The following KIF13A variants were observed in gnomAD, a reference collection of about 807,000 sequenced individuals.
KIF13A encodes the protein kinesin family member 13A, also known as kinesin-like protein KIF13A.
Under a neutral mutation model 212.2 loss-of-function variants are expected in KIF13A, and 79 were observed. That is an observed-to-expected ratio of 0.37 (90% CI 0.31 to 0.45). The LOEUF is 0.45. KIF13A is among the 20% of genes least tolerant of loss of function. The pLI is 1.00. For synonymous variants in KIF13A, 789 were observed against 808.6 expected (o/e 0.98, Z 0.41); for missense variants, 1,901 against 2,209.0 (o/e 0.86, Z 2.79).
rs1277086748 is a variant in KIF13A, at chr6:17,967,002, A to T, written c.146+20052T>A. On this transcript the variant is annotated intron_variant, in intron 2 of 38. Coordinates refer to ENST00000259711, the MANE Select transcript of KIF13A (RefSeq NM_022113.6). The surrounding 1 kb of genome is among the most constrained non-coding windows in gnomAD (Gnocchi z 4.1). ...TAATACTGCTTCCTTAATTAGGGAA[A>T]GAAAATACCAAATATTCCAGCAGTA... 5.9e-5 allele frequency among the ~76,000 whole-genome samples: 9 copies of T among 152,220 alleles called. No homozygotes were observed. Among genetic ancestry groups the T allele is most frequent in the Non-Finnish European group, 1.3e-4 (9 of 68,036 alleles).
In KIF13A at chr6:17,898,662, C is replaced by G. The variant is rs1772791275; in HGVS notation, c.147-482G>C. Among the ~76,000 whole-genome samples the G allele has an allele frequency of 6.6e-6, 1 of 151,732 alleles. No homozygotes were observed. The highest frequency in any genetic ancestry group is 2.1e-4 in the South Asian group (1 of 4,816). ...GTGGGAGTTTTTCTCATTTAAAAACCATGGTTTTAAATAACTCATATTTTT... is the reference window on the plus strand; with the variant it reads ...GTGGGAGTTTTTCTCATTTAAAAACGATGGTTTTAAATAACTCATATTTTT... On this transcript the variant is annotated intron_variant, in intron 2 of 38. Coordinates refer to ENST00000259711, the MANE Select transcript of KIF13A (RefSeq NM_022113.6). The surrounding 1 kb of genome is among the most constrained non-coding windows in gnomAD (Gnocchi z 5.2).
Position 17,823,892 on chromosome 6 carries a change from C to T in KIF13A, c.1786+1876G>A, listed in dbSNP as rs148189081. Among the ~76,000 whole-genome samples, 4 of 151,826 alleles carry T rather than the reference C, an allele frequency of 2.6e-5. No homozygotes were observed. In the East Asian group the frequency reaches 7.8e-4, roughly 29 times the overall value. On this transcript the variant is annotated intron_variant, in intron 16 of 38. Transcript: ENST00000259711. Reference sequence around the variant, plus strand: ...TGCTGGGATTACAGATGTGAGCCACCATGCCTGGCGTTTAATTTAAATTTC... The same window carrying T: ...TGCTGGGATTACAGATGTGAGCCACTATGCCTGGCGTTTAATTTAAATTTC...
rs568191897 is a variant in KIF13A at position 17,920,052 on chromosome 6, T to C, written c.147-21872A>G. On this transcript the variant is annotated intron_variant, in intron 2 of 38. Transcript: ENST00000259711. ...TTCAATGATTTAGGATTAAGCTTGCTTGGTTTCTGTTTTAGTGTTTTGACC... is the reference window on the plus strand; with the variant it reads ...TTCAATGATTTAGGATTAAGCTTGCCTGGTTTCTGTTTTAGTGTTTTGACC... Among the ~76,000 whole-genome samples the C allele has an allele frequency of 2.6e-5, 4 of 152,354 alleles. No individual in the cohort carries two copies. In the South Asian group the frequency reaches 8.3e-4, roughly 32 times the overall value.
intron 2 of KIF13A, among the ~76,000 whole-genome samples, chr6:17,932,484 T>C (rs1776069768): frequency 6.6e-6 from 1 of 152,230 alleles, no homozygotes; most frequent in Non-Finnish European, 1.5e-5. Context: ...TTAGATCTTC[T>C]TTCTAAAAAA....
At position 17,779,236 on chromosome 6, in the gene KIF13A, C is replaced by CATATATAT. The variant is rs149719669; in HGVS notation, c.3940-145_3940-138dup. ...TAGATACTGATATTTTTTAAAGTAG[C>CATATATAT]ATATATATATATATATATATATTTT... On this transcript the variant is annotated intron_variant, in intron 32 of 38. Coordinates refer to ENST00000259711, the MANE Select transcript of KIF13A (RefSeq NM_022113.6). The CATATATAT allele has an allele frequency of 6.1e-3, 1,543 of 254,298 alleles. 15 individuals carry two copies. The highest frequency in any genetic ancestry group is 0.012 in the African/African-American group (248 of 21,290). The allele number at this position is 254,298 out of a possible 1,614,324, so 15.8% of individuals were successfully genotyped here.
chr6:17,768,268 T>C lies in KIF13A; in HGVS notation c.4581+2846A>G, dbSNP rs1324101626. Among the ~76,000 whole-genome samples the C allele has an allele frequency of 6.6e-6, 1 of 152,222 alleles. No homozygotes were observed. The highest frequency in any genetic ancestry group is 1.5e-5 in the Non-Finnish European group (1 of 68,044). On this transcript the variant is annotated intron_variant, in intron 38 of 38. Transcript: ENST00000259711. The surrounding 1 kb of genome is among the most constrained non-coding windows in gnomAD (Gnocchi z 5.4). ...AAGATAATTAAAACCCTATCTGAAG[T>C]GGCACATGGAGTCAAGTTCTCAAGC...
chr6:17,855,546 A>C lies in KIF13A; in HGVS notation c.385T>G (p.Leu129Val), dbSNP rs747378600. ...LGLIPRLCCA[L>V]FKRISLEQNE... ...TGCTCCAAAGAGATCCTTTTAAATAAAGCACAGCAGAGCCTTGGAATAAGG... is the reference window on the plus strand; with the variant it reads ...TGCTCCAAAGAGATCCTTTTAAATACAGCACAGCAGAGCCTTGGAATAAGG... The change falls in exon 6 of 39, where the codon TTA becomes GTA. Residue 129 changes from leucine to valine, a missense_variant. Transcript: ENST00000259711. This position sits in a 1 kb window ranked among gnomAD's most constrained non-coding sequence, Gnocchi z 4.1. The C allele has an allele frequency of 1.4e-5, 22 of 1,613,726 alleles. No homozygotes were observed. The highest frequency in any genetic ancestry group is 8.5e-7 in the Non-Finnish European group (1 of 1,179,816).
chr6:17,974,958 G>A (rs539625144), intron 2 of KIF13A, among the ~76,000 whole-genome samples: 41 of 152,318 alleles, frequency 2.7e-4, no homozygotes, highest in Non-Finnish European at 4.7e-4. Context: ...CATCATCTCA[G>A]GAAGTTCTAT....
rs1779407946 is a variant in KIF13A at position 17,967,241 on chromosome 6, T to A, written c.146+19813A>T. Among the ~76,000 whole-genome samples the A allele has an allele frequency of 6.6e-6, 1 of 152,228 alleles. No individual in the cohort carries two copies. The highest frequency in any genetic ancestry group is 1.5e-5 in the Non-Finnish European group (1 of 68,048). ...AGATAGTGCTACCGCCTCAAGGCAA[T>A]ATGCAATTGCTGTGTTTTCATAATC... On this transcript the variant is annotated intron_variant, in intron 2 of 38. Transcript: ENST00000259711. The surrounding 1 kb of genome is among the most constrained non-coding windows in gnomAD (Gnocchi z 4.1).
chr6:17,942,395 A>G (rs1272286611), intron 2 of KIF13A, among the ~76,000 whole-genome samples: 1 of 151,898 alleles, frequency 6.6e-6, no homozygotes, highest in African/African-American at 2.4e-5. Context: ...GCCACACCAG[A>G]ACAATCTGAA....
Position 17,967,581 on chromosome 6 carries a change from G to C in KIF13A, c.146+19473C>G, listed in dbSNP as rs996619379. Among the ~76,000 whole-genome samples, 6 of 152,200 alleles carry C rather than the reference G, an allele frequency of 3.9e-5. No individual in the cohort carries two copies. Among genetic ancestry groups the C allele is most frequent in the Non-Finnish European group, 8.8e-5 (6 of 68,036 alleles). ...GACTGCACGTGTCAGGAGCAGAGAT[G>C]CCTGGTTATCCATTTCCATAGTCAT... On this transcript the variant is annotated intron_variant, in intron 2 of 38. Transcript: ENST00000259711. This position sits in a 1 kb window ranked among gnomAD's most constrained non-coding sequence, Gnocchi z 4.1.
intron 2 of KIF13A, among the ~76,000 whole-genome samples, chr6:17,975,754 TAC>T (rs550571040): frequency 6.6e-6 from 1 of 152,012 alleles, no homozygotes; most frequent in Non-Finnish European, 1.5e-5. Context: ...ATTAGCTAGA[TAC>T]AGAGTCCACA....
rs1044671931 is a variant in KIF13A, at chr6:17,838,818, G to T, written c.831-1235C>A. On this transcript the variant is annotated intron_variant, in intron 9 of 38. Transcript: ENST00000259711. This position sits in a 1 kb window ranked among gnomAD's most constrained non-coding sequence, Gnocchi z 4.2. ...GAGAGGATGACGAGCTTATTTTTTTGTTTGTTTGTTTTTTGAGATGGAATC... is the reference window on the plus strand; with the variant it reads ...GAGAGGATGACGAGCTTATTTTTTTTTTTGTTTGTTTTTTGAGATGGAATC... Among the ~76,000 whole-genome samples the T allele has an allele frequency of 2.6e-5, 4 of 151,830 alleles. No individual in the cohort carries two copies. The highest frequency in any genetic ancestry group is 2.4e-5 in the African/African-American group (1 of 41,376).
In KIF13A at chr6:17,799,419, C is replaced by T. The variant is rs921047213; in HGVS notation, c.2637G>A (p.Thr879=). ...AATTTGAGAGGTTTAAGGGCAGCCC[C>T]GTTGCTTCTTTAATTTTTACCTGAA... ...LTCRVKIKEA[T]GLPLNLSNFV... Residue 879 remains threonine (T), a synonymous_variant, in exon 22 of 39, where the codon ACG becomes ACA. Coordinates refer to ENST00000259711, the MANE Select transcript of KIF13A (RefSeq NM_022113.6). This position sits in a 1 kb window ranked among gnomAD's most constrained non-coding sequence, Gnocchi z 4.4. The T allele has an allele frequency of 1.2e-5, 19 of 1,567,448 alleles. No individual in the cohort carries two copies. The highest frequency in any genetic ancestry group is 5.4e-5 in the African/African-American group (4 of 73,650).
At chr6:17,902,383 T>C (rs1773127680) in intron 2 of KIF13A, among the ~76,000 whole-genome samples, 2 of 152,218 alleles carry the variant, frequency 1.3e-5, no homozygotes, top group Admixed American at 1.3e-4. Flanking sequence ...CAATTTGACA[T>C]TTTAGAAGAC....
intron 2 of KIF13A, among the ~76,000 whole-genome samples, chr6:17,977,446 A>G (rs1561831796): frequency 6.6e-6 from 1 of 152,268 alleles, no homozygotes; most frequent in Non-Finnish European, 1.5e-5. Context: ...TGTTTCATGA[A>G]GATGCTCTTA....
intron 2 of KIF13A, among the ~76,000 whole-genome samples, chr6:17,970,098 A>G (rs1254885698): frequency 6.6e-6 from 1 of 151,482 alleles, no homozygotes; most frequent in Non-Finnish European, 1.5e-5. Flanking sequence ...AATTTTTTGT[A>G]TTTTTAGTAG....
At chr6:17,890,260 T>C (rs1771925255) in intron 3 of KIF13A, among the ~76,000 whole-genome samples, 2 of 151,906 alleles carry the variant, frequency 1.3e-5, no homozygotes, top group Admixed American at 6.6e-5. Context: ...TGAATAAATC[T>C]TGAGGGACAG....
Position 17,874,939 on chromosome 6 carries a change from C to T in KIF13A, c.160-1502G>A, listed in dbSNP as rs1438389432. The stretch of plus-strand genomic sequence containing the variant: ...ATCTCATGCAGGTCGCTGCAAATGC[C>T]GTTAATTCATTCCTTTTTATGGCTA... On this transcript the variant is annotated intron_variant, in intron 3 of 38. Coordinates refer to ENST00000259711, the MANE Select transcript of KIF13A (RefSeq NM_022113.6). Among the ~76,000 whole-genome samples the T allele has an allele frequency of 3.7e-5, 4 of 107,466 alleles. No individual in the cohort carries two copies. The East Asian group carries it at 8.3e-4, about 22-fold the overall frequency. The allele number at this position is 107,466 out of a possible 152,430, so 70.5% of individuals were successfully genotyped here. A position where few individuals can be genotyped will look rare whatever the true frequency, so the allele number is the denominator to read the frequency against.
Sources: gnomAD v4.1 joint callset for allele counts (sites outside exome capture counted in the v4.1 genomes callset) on GRCh38, gnomAD v4.1.1 for gene constraint, Gnocchi (gnomAD v3.1) non-coding constraint, MANE v1.5 for transcripts, NCBI Gene and HGNC (gene_info 2026-07-23, HGNC 2026-07-21) for gene names.